RAB6B: variants seen among roughly 807,000 people sequenced by gnomAD.
The protein encoded by RAB6B is RAB6B, member RAS oncogene family.
RAB6B carries 7 observed loss-of-function variants against 31.2 expected under a neutral mutation model. That is an observed-to-expected ratio of 0.22 (90% CI 0.13 to 0.42). The LOEUF is 0.42. Ranked by LOEUF, RAB6B falls within the 10% of genes least tolerant of loss-of-function variation. The probability of loss-of-function intolerance (pLI) is 1.00; values close to 1 mark genes in which losing one functional copy is unlikely to be tolerated. For missense variants in RAB6B, 149 were observed against 280.6 expected, an observed-to-expected ratio of 0.53 and a Z score of 3.35; for synonymous variants, 105 against 104.9, an observed-to-expected ratio of 1.00 and a Z score of -0.01.
intron 1 of RAB6B, among the ~76,000 whole-genome samples, chr3:133,886,003 T>G (rs1025103538): frequency 4.6e-5 from 7 of 151,986 alleles, no homozygotes; most frequent in African/African-American, 1.7e-4. Context: ...GGGTCAAAAC[T>G]CCCCAGTGGA....
intron 1 of RAB6B, among the ~76,000 whole-genome samples, chr3:133,881,981 A>G (rs374013374): frequency 6.6e-6 from 1 of 152,366 alleles, no homozygotes; most frequent in East Asian, 1.9e-4. Context: ...GAGTCTGGAC[A>G]TGACTTCACT....
At position 133,824,514 on chromosome 3, in the gene RAB6B, G is replaced by T. The variant is rs1405650234; in HGVS notation, c.*4274C>A. 1 of 152,218 alleles carries T rather than the reference G, an allele frequency of 6.6e-6. No individual in the cohort carries two copies. The highest frequency in any genetic ancestry group is 1.9e-4 in the East Asian group (1 of 5,200). The allele number at this position is 152,218 out of a possible 1,614,324, so 9.4% of individuals were successfully genotyped here. ...GGAACCATCTAAACCCCTGCTGCAA[G>T]GATTTCCTGATGAAACCACACACTG... On this transcript the variant is annotated 3_prime_UTR_variant, in exon 8 of 8. Coordinates refer to ENST00000285208, the MANE Select transcript of RAB6B (RefSeq NM_016577.4).
chr3:133,866,868 C>T (rs771211638), intron 1 of RAB6B, among the ~76,000 whole-genome samples: 20 of 152,246 alleles, frequency 1.3e-4, no homozygotes, highest in Non-Finnish European at 2.2e-4. Flanking sequence ...TCCCAGGGCA[C>T]GCTGGTCACT....
chr3:133,877,779 T>C (rs530713855), intron 1 of RAB6B, among the ~76,000 whole-genome samples: 62 of 148,486 alleles, frequency 4.2e-4, no homozygotes, highest in Non-Finnish European at 8.3e-4. Context: ...ATATATAACT[T>C]AGTTATTATA....
intron 1 of RAB6B, among the ~76,000 whole-genome samples, chr3:133,882,124 T>C (rs77474692): frequency 0.013 from 1,987 of 152,242 alleles, 97 homozygotes; most frequent in East Asian, 0.13. Context: ...GTTGTAGGAC[T>C]TCCCCCCACG....
intron 1 of RAB6B, among the ~76,000 whole-genome samples, chr3:133,884,655 G>C (rs1213534742): frequency 6.6e-6 from 1 of 152,172 alleles, no homozygotes; most frequent in African/African-American, 2.4e-5. Flanking sequence ...ACAGGGCTAG[G>C]GGGCCTCATA....
chr3:133,892,456 T>A (rs1936650032), intron 1 of RAB6B, among the ~76,000 whole-genome samples: 1 of 152,124 alleles, frequency 6.6e-6, no homozygotes, highest in East Asian at 1.9e-4. Context: ...ACCAGTTCCC[T>A]GGTATCTTCA....
intron 1 of RAB6B, among the ~76,000 whole-genome samples, chr3:133,865,799 G>A (rs905470817): frequency 6.6e-6 from 1 of 152,218 alleles, no homozygotes; most frequent in African/African-American, 2.4e-5. Context: ...CTTGGCAAAG[G>A]CCCTTTACCA....
chr3:133,878,369 G>C (rs538061770), intron 1 of RAB6B, among the ~76,000 whole-genome samples: 2 of 152,302 alleles, frequency 1.3e-5, no homozygotes, highest in South Asian at 4.1e-4. Flanking sequence ...CAAGCAAGAA[G>C]GCAATGGTGC....
At chr3:133,856,885 G>A (rs1230807704) in intron 2 of RAB6B, among the ~76,000 whole-genome samples, 1 of 152,104 alleles carries the variant, frequency 6.6e-6, no homozygotes, top group Non-Finnish European at 1.5e-5. Flanking sequence ...ACATAAGAGT[G>A]TCACCTCATA....
rs1446150872 is a variant in RAB6B at position 133,889,412 on chromosome 3, A to T, written c.70+5985T>A. ...GTTATATATATATATATATATATAT[A>T]TATATATATATATATATATATATAT... On this transcript the variant is annotated intron_variant, in intron 1 of 7. Transcript: ENST00000285208. 3.7e-4 allele frequency among the ~76,000 whole-genome samples: 18 copies of T among 48,594 alleles called. 2 individuals carry two copies. The highest frequency in any genetic ancestry group is 1.7e-3 in the African/African-American group (15 of 8,864). The allele number at this position is 48,594 out of a possible 152,430, so 31.9% of individuals were successfully genotyped here.
chr3:133,891,161 AGAG>A (rs1187712647), intron 1 of RAB6B, among the ~76,000 whole-genome samples: 1 of 152,168 alleles, frequency 6.6e-6, no homozygotes, highest in East Asian at 1.9e-4. Context: ...GGCTGCGGGC[AGAG>A]GAGTGAGCCT....
At chr3:133,856,373 G>A (rs562728702) in intron 2 of RAB6B, among the ~76,000 whole-genome samples, 1 of 151,796 alleles carries the variant, frequency 6.6e-6, no homozygotes, top group Non-Finnish European at 1.5e-5. Context: ...TGGCCCATGG[G>A]TTCTCATCTT....
intron 2 of RAB6B, among the ~76,000 whole-genome samples, chr3:133,856,426 T>C (rs1395541226): frequency 6.6e-6 from 1 of 151,938 alleles, no homozygotes; most frequent in Non-Finnish European, 1.5e-5. Flanking sequence ...ACATCCACAT[T>C]CAAGGCAGAA....
Position 133,840,786 on chromosome 3 carries a change from C to CAG in RAB6B, c.289+497_289+498dup, listed in dbSNP as rs952867701. ...ACACCTGCCCTGGCCTGAAGAGCCA[C>CAG]AGTACTGGAGAAGGGTTACCAGCCT... On this transcript the variant is annotated intron_variant, in intron 4 of 7. Transcript: ENST00000285208. 1.6e-4 allele frequency among the ~76,000 whole-genome samples: 25 copies of CAG among 152,180 alleles called. 1 individual carries two copies. The highest frequency in any genetic ancestry group is 6.0e-4 in the African/African-American group (25 of 41,524).
At chr3:133,839,688 T>A in intron 4 of RAB6B, 71 bp from the exon 5 acceptor site, 1 of 1,164,010 alleles carries the variant, frequency 8.6e-7, no homozygotes, top group Non-Finnish European at 1.3e-6. Context: ...AGGGGAGGTG[T>A]GAGCCAGGAG....
rs189939848 is a variant in RAB6B at position 133,865,586 on chromosome 3, T to A, written c.71-944A>T. Among the ~76,000 whole-genome samples, 4 of 152,374 alleles carry A rather than the reference T, an allele frequency of 2.6e-5. No homozygotes were observed. In the East Asian group the frequency reaches 7.7e-4, roughly 29 times the overall value. On this transcript the variant is annotated intron_variant, in intron 1 of 7. Coordinates refer to ENST00000285208, the MANE Select transcript of RAB6B (RefSeq NM_016577.4). ...TCCTATCATGTCTCTGCCATGACCC[T>A]GGGAGGCTCAGTGGGGAATCTGCCC...
chr3:133,827,178 T>A lies in RAB6B; in HGVS notation c.*1610A>T, dbSNP rs1935578325. 1 of 152,296 alleles carries A rather than the reference T, an allele frequency of 6.6e-6. No homozygotes were observed. Among genetic ancestry groups the A allele is most frequent in the Admixed American group, 6.5e-5 (1 of 15,294 alleles). The allele number at this position is 152,296 out of a possible 1,614,324, so 9.4% of individuals were successfully genotyped here. A position where few individuals can be genotyped will look rare whatever the true frequency, so the allele number is the denominator to read the frequency against. On this transcript the variant is annotated 3_prime_UTR_variant, in exon 8 of 8. Coordinates refer to ENST00000285208, the MANE Select transcript of RAB6B (RefSeq NM_016577.4). Reference sequence around the variant, plus strand: ...TTCTGCTGCACTTACTGCCTGCCATTTCAGATTAATTTCTGAGAAGTTTCA... The same window carrying A: ...TTCTGCTGCACTTACTGCCTGCCATATCAGATTAATTTCTGAGAAGTTTCA...
intron 2 of RAB6B, among the ~76,000 whole-genome samples, chr3:133,855,081 T>C (rs1308007648): frequency 6.6e-6 from 1 of 152,242 alleles, no homozygotes; most frequent in African/African-American, 2.4e-5. Flanking sequence ...CAGCTGGGCA[T>C]GACAAGCCTT....
Sources: allele counts gnomAD v4.1 joint callset (sites outside exome capture counted in the v4.1 genomes callset), GRCh38; gene constraint gnomAD v4.1.1; transcripts MANE v1.5; gene names NCBI Gene and HGNC (gene_info 2026-07-23, HGNC 2026-07-21).